The following BMPR2 variants were observed in gnomAD, a reference collection of about 807,000 sequenced individuals.
BMPR2 encodes bone morphogenetic protein receptor type 2.
Under a neutral mutation model 100.8 loss-of-function variants are expected in BMPR2, and 29 were observed. The ratio of observed to expected loss-of-function variants is 0.29; its 90% CI spans 0.21 to 0.39. The LOEUF (loss-of-function observed/expected upper bound fraction) is 0.39. Ranked by LOEUF, BMPR2 falls within the 10% of genes least tolerant of loss-of-function variation. The pLI is 1.00. For missense variants in BMPR2, 1,011 were observed against 1,274.5 expected (o/e 0.79, Z 3.15); for synonymous variants, 382 against 442.3 (o/e 0.86, Z 1.71).
intron 1 of BMPR2, among the ~76,000 whole-genome samples, chr2:202,401,239 T>C (rs972649973): frequency 6.6e-6 from 1 of 152,130 alleles, no homozygotes; most frequent in Non-Finnish European, 1.5e-5. Flanking sequence ...TCCCCTTTTA[T>C]ATAAGAGTAA....
At chr2:202,513,142 T>A (rs951924245) in intron 3 of BMPR2, among the ~76,000 whole-genome samples, 30 of 151,846 alleles carry the variant, frequency 2.0e-4, no homozygotes, top group African/African-American at 6.8e-4. Flanking sequence ...TTTTTTTTTT[T>A]AATTTGTTTT....
intron 9 of BMPR2, among the ~76,000 whole-genome samples, chr2:202,542,053 G>T (rs1355544799): frequency 6.6e-6 from 1 of 151,622 alleles, no homozygotes. Flanking sequence ...AGAGGTTGCA[G>T]TGAGCCGAGA....
intron 1 of BMPR2, among the ~76,000 whole-genome samples, chr2:202,388,787 C>CAA (rs1172001860): frequency 3.0e-4 from 27 of 90,756 alleles, no homozygotes; most frequent in African/African-American, 5.2e-4. Flanking sequence ...GATTCAGTCT[C>CAA]AAAAAAAAAA....
At chr2:202,537,427 C>T (rs1332515794) in intron 9 of BMPR2, among the ~76,000 whole-genome samples, 1 of 151,978 alleles carries the variant, frequency 6.6e-6, no homozygotes, top group African/African-American at 2.4e-5. Context: ...TAGGGAAAGG[C>T]AATTAAATCT....
intron 3 of BMPR2, among the ~76,000 whole-genome samples, chr2:202,504,559 G>A (rs1687480728): frequency 6.6e-6 from 1 of 152,108 alleles, no homozygotes; most frequent in Non-Finnish European, 1.5e-5. Flanking sequence ...CTCACTGCGA[G>A]GGTCCGTGGC....
chr2:202,556,506 T>C lies in BMPR2; in HGVS notation c.2841T>C (p.Asn947=). The change falls in exon 12 of 13, where the codon AAT becomes AAC. Residue 947 remains asparagine (N), a synonymous_variant. Coordinates refer to ENST00000374580, the MANE Select transcript of BMPR2 (RefSeq NM_001204.7). ...ATTCTCTGGATCTTTCAGCCACAAATGTCCTGGATGGCAGCAGTATACAGA... is the reference window on the plus strand; with the variant it reads ...ATTCTCTGGATCTTTCAGCCACAAACGTCCTGGATGGCAGCAGTATACAGA... ...RPNSLDLSAT[N]VLDGSSIQIG... is the part of the protein sequence containing the mutation. 1 of 1,613,636 alleles carries C rather than the reference T, an allele frequency of 6.2e-7. No individual in the cohort carries two copies. Among genetic ancestry groups the C allele is most frequent in the Non-Finnish European group, 8.5e-7 (1 of 1,180,040 alleles).
At chr2:202,407,617 A>T (rs1230980826) in intron 1 of BMPR2, among the ~76,000 whole-genome samples, 5 of 151,626 alleles carry the variant, frequency 3.3e-5, no homozygotes, top group African/African-American at 4.8e-5. Flanking sequence ...AAATACAAAA[A>T]AATCAGCCAG....
At chr2:202,548,361 A>G (rs1688412963) in intron 10 of BMPR2, among the ~76,000 whole-genome samples, 1 of 152,064 alleles carries the variant, frequency 6.6e-6, no homozygotes, top group Non-Finnish European at 1.5e-5. Flanking sequence ...CTGAGGGAGG[A>G]GTATCGCTTG....
intron 1 of BMPR2, among the ~76,000 whole-genome samples, chr2:202,395,850 C>T (rs1230340191): frequency 6.6e-6 from 1 of 152,036 alleles, no homozygotes; most frequent in African/African-American, 2.4e-5. Flanking sequence ...GCAGGAGGAT[C>T]GACTTGAACC....
At chr2:202,530,683 T>C (rs1056111037) in intron 7 of BMPR2, 111 bp from the exon 8 acceptor site, 89 of 967,462 alleles carry the variant, frequency 9.2e-5, no homozygotes, top group Non-Finnish European at 1.2e-4. Flanking sequence ...TTTTTTGTTA[T>C]TAGAAAATTA....
At position 202,475,432 on chromosome 2, in the gene BMPR2, A is replaced by G. The variant is rs182822615; in HGVS notation, c.418+7743A>G. Among the ~76,000 whole-genome samples, 3 of 152,324 alleles carry G rather than the reference A, an allele frequency of 2.0e-5. No homozygotes were observed. The East Asian group carries it at 5.8e-4, about 29-fold the overall frequency. On this transcript the variant is annotated intron_variant, in intron 3 of 12. Coordinates refer to ENST00000374580, the MANE Select transcript of BMPR2 (RefSeq NM_001204.7). ...CCACAAAAATAAAAAATTAAAAAAT[A>G]TATATTAATGTAGAAGGCACAGGAT... is the stretch of plus-strand genomic sequence containing the variant.
intron 1 of BMPR2, among the ~76,000 whole-genome samples, chr2:202,390,044 C>T (rs566435818): frequency 6.6e-6 from 1 of 150,766 alleles, no homozygotes; most frequent in Admixed American, 6.6e-5. Flanking sequence ...ATCCCATTTC[C>T]TGGATGTAAC....
Position 202,503,567 on chromosome 2 carries a change from G to A in BMPR2, c.419-10152G>A, listed in dbSNP as rs1255257779. Among the ~76,000 whole-genome samples the A allele has an allele frequency of 6.6e-6, 1 of 152,238 alleles. No homozygotes were observed. Among genetic ancestry groups the A allele is most frequent in the Admixed American group, 6.5e-5 (1 of 15,290 alleles). ...CCCCCAGCAGTGCCAGCCCACCGGC[G>A]CTGCTCTCAGTTTCTCACTGGGTCT... On this transcript the variant is annotated intron_variant, in intron 3 of 12. Transcript: ENST00000374580. The surrounding 1 kb of genome is among the most constrained non-coding windows in gnomAD (Gnocchi z 4.0).
At chr2:202,405,142 C>T (rs1014764995) in intron 1 of BMPR2, among the ~76,000 whole-genome samples, 1 of 152,022 alleles carries the variant, frequency 6.6e-6, no homozygotes, top group Non-Finnish European at 1.5e-5. Context: ...TTTTAAACTC[C>T]ATTTACAACA....
At chr2:202,554,038 G>A (rs1046823024) in intron 11 of BMPR2, among the ~76,000 whole-genome samples, 4 of 152,208 alleles carry the variant, frequency 2.6e-5, no homozygotes, top group Admixed American at 2.6e-4. Flanking sequence ...ATTAGCCATA[G>A]GTGAAAAATT....
At chr2:202,527,357 G>A (rs894328810) in intron 7 of BMPR2, among the ~76,000 whole-genome samples, 7 of 151,732 alleles carry the variant, frequency 4.6e-5, no homozygotes, top group Non-Finnish European at 8.8e-5. Flanking sequence ...GCGTGGTGGC[G>A]TGCGCCTGTA....
chr2:202,396,642 T>G (rs886806623), intron 1 of BMPR2, among the ~76,000 whole-genome samples: 1 of 152,118 alleles, frequency 6.6e-6, no homozygotes, highest in East Asian at 1.9e-4. Flanking sequence ...TAAAGAGATA[T>G]ATGAAAAGAA....
intron 1 of BMPR2, among the ~76,000 whole-genome samples, chr2:202,387,447 C>T (rs1330491996): frequency 2.6e-5 from 4 of 152,112 alleles, no homozygotes; most frequent in Non-Finnish European, 5.9e-5. Flanking sequence ...AGGTCAGGCC[C>T]CTATGGCTCC....
chr2:202,377,505 G>C lies in BMPR2; in HGVS notation c.31G>C (p.Val11Leu). Residue 11 changes from valine to leucine, a missense_variant, in exon 1 of 13, where the codon GTG (valine) becomes CTG (leucine). Around this residue, in one of 6 missense-constraint regions of BMPR2, gnomAD observed 355 missense variants for 455.3 expected, o/e 0.78. Transcript: ENST00000374580. ...TTCCTCGCTGCAGCGGCCCTGGCGGGTGCCCTGGCTACCATGGACCATCCT... is the reference window on the plus strand; with the variant it reads ...TTCCTCGCTGCAGCGGCCCTGGCGGCTGCCCTGGCTACCATGGACCATCCT... MTSSLQRPWR[V>L]PWLPWTILLV... is the part of the protein sequence containing the mutation. 6.2e-7 allele frequency: 1 copy of C among 1,614,252 alleles called. No individual in the cohort carries two copies. The highest frequency in any genetic ancestry group is 8.5e-7 in the Non-Finnish European group (1 of 1,180,040).
Sources: gnomAD v4.1 joint callset for allele counts (sites outside exome capture counted in the v4.1 genomes callset) on GRCh38, gnomAD v4.1.1 for gene constraint, gnomAD v4.1.1 regional missense constraint, Gnocchi (gnomAD v3.1) non-coding constraint, MANE v1.5 for transcripts, NCBI Gene and HGNC (gene_info 2026-07-23, HGNC 2026-07-21) for gene names.